ZNF385D: variants seen among roughly 807,000 people sequenced by gnomAD.
ZNF385D encodes the protein zinc finger protein 385D, also known as zinc finger protein 659.
Under a neutral mutation model 35.8 loss-of-function variants are expected in ZNF385D, and 15 were observed. The observed-to-expected ratio is 0.42, with a 90% CI of 0.28 to 0.64. The LOEUF is 0.64. Among genes scored for constraint, ZNF385D ranks in the 30% least tolerant of loss-of-function variants. ZNF385D has a pLI of 0.23. For synonymous variants in ZNF385D, 212 were observed against 186.8 expected (o/e 1.13, Z -1.10); for missense variants, 474 against 494.6 (o/e 0.96, Z 0.39).
At chr3:21,433,179 A>G (rs7614523) in intron 5 of ZNF385D, among the ~76,000 whole-genome samples, 28,196 of 152,110 alleles carry the variant, frequency 0.19, 3,016 homozygotes, top group East Asian at 0.31. Flanking sequence ...CTGCTGTCCT[A>G]TATCACTGAT....
At chr3:22,230,710 T>C (rs1258736693) in intron 2 of ZNF385D, among the ~76,000 whole-genome samples, 1 of 152,212 alleles carries the variant, frequency 6.6e-6, no homozygotes, top group Non-Finnish European at 1.5e-5. Flanking sequence ...AATTTGGCTT[T>C]ATACAAGGAA....
At chr3:21,432,045 T>C (rs934548671) in intron 5 of ZNF385D, among the ~76,000 whole-genome samples, 4 of 151,634 alleles carry the variant, frequency 2.6e-5, no homozygotes, top group African/African-American at 9.7e-5. Flanking sequence ...CAAATACAAC[T>C]TTTTTTTTCA....
rs553298805 is a variant in ZNF385D, at chr3:22,089,035, T to A, written c.325+79782A>T. ...TATTATTTTTCCCTTACCCAGGAGGTAGGGATCATAAGAAAAATCAAATAA... is the reference window on the plus strand; with the variant it reads ...TATTATTTTTCCCTTACCCAGGAGGAAGGGATCATAAGAAAAATCAAATAA... On this transcript the variant is annotated intron_variant, in intron 3 of 5. Coordinates refer to the ZNF385D transcript ENST00000494108. Among the ~76,000 whole-genome samples, 30 of 152,272 alleles carry A rather than the reference T, an allele frequency of 2.0e-4. 1 individual carries two copies. The highest frequency in any genetic ancestry group is 3.4e-4 in the Non-Finnish European group (23 of 68,030).
intron 2 of ZNF385D, among the ~76,000 whole-genome samples, chr3:21,645,882 C>T (rs2065736866): frequency 6.6e-6 from 1 of 152,164 alleles, no homozygotes; most frequent in Admixed American, 6.5e-5. Context: ...TAGAGAAAAA[C>T]TGTACATTTT....
chr3:21,464,730 A>G (rs1703398332), intron 4 of ZNF385D, among the ~76,000 whole-genome samples: 2 of 152,058 alleles, frequency 1.3e-5, no homozygotes, highest in Non-Finnish European at 2.9e-5. Flanking sequence ...ACAGCTGCCA[A>G]AAAATAAATT....
intron 2 of ZNF385D, among the ~76,000 whole-genome samples, chr3:21,627,690 T>G (rs2065173855): frequency 6.6e-6 from 1 of 152,092 alleles, no homozygotes; most frequent in Non-Finnish European, 1.5e-5. Context: ...TGTGCAATAG[T>G]ATGTCTACAT....
chr3:21,965,877 A>G (rs1034041410), intron 3 of ZNF385D, among the ~76,000 whole-genome samples: 3 of 152,212 alleles, frequency 2.0e-5, no homozygotes, highest in Non-Finnish European at 2.9e-5. Context: ...AGAAGAAGAG[A>G]TAACAATAAA....
chr3:21,667,564 CAACAT>C (rs1322357899), intron 1 of ZNF385D, among the ~76,000 whole-genome samples: 1 of 152,200 alleles, frequency 6.6e-6, no homozygotes, highest in Non-Finnish European at 1.5e-5. Context: ...TAAGGGTTAA[CAACAT>C]AACATCATGT....
chr3:21,773,693 G>A (rs879109380), intron 3 of ZNF385D, among the ~76,000 whole-genome samples: 3 of 151,610 alleles, frequency 2.0e-5, no homozygotes, highest in Non-Finnish European at 4.4e-5. Context: ...CTGATCATTA[G>A]AGAAATGAAA....
chr3:22,318,783 T>C (rs76177242), intron 2 of ZNF385D, among the ~76,000 whole-genome samples: 2,421 of 152,238 alleles, frequency 0.016, 49 homozygotes, highest in East Asian at 0.073. Context: ...TTAAGTACTG[T>C]GTATAAAACA....
At chr3:21,991,035 A>G (rs1295003013) in intron 3 of ZNF385D, among the ~76,000 whole-genome samples, 3 of 152,236 alleles carry the variant, frequency 2.0e-5, no homozygotes, top group African/African-American at 7.2e-5. Context: ...TTACGGAGGT[A>G]TAATTATCTA....
intron 2 of ZNF385D, among the ~76,000 whole-genome samples, chr3:22,172,969 C>G (rs748912636): frequency 6.6e-6 from 1 of 152,118 alleles, no homozygotes; most frequent in Admixed American, 6.6e-5. Flanking sequence ...AGTGAAGAAA[C>G]CTGACAAATA....
intron 2 of ZNF385D, among the ~76,000 whole-genome samples, chr3:21,604,061 G>C (rs925898874): frequency 6.6e-6 from 1 of 152,188 alleles, no homozygotes; most frequent in Non-Finnish European, 1.5e-5. Flanking sequence ...ACTGCAAGCA[G>C]AACTGCTGCT....
At chr3:22,369,547 C>T (rs1292759518) in intron 2 of ZNF385D, among the ~76,000 whole-genome samples, 2 of 152,116 alleles carry the variant, frequency 1.3e-5, no homozygotes, top group Non-Finnish European at 2.9e-5. Flanking sequence ...AGATATCATG[C>T]AAATACAATG....
intron 2 of ZNF385D, among the ~76,000 whole-genome samples, chr3:22,217,853 C>A (rs2125274358): frequency 6.6e-6 from 1 of 152,096 alleles, no homozygotes; most frequent in East Asian, 1.9e-4. Context: ...AATTTTTCTC[C>A]ACCTCTAACT....
chr3:22,338,695 C>T (rs920025127), intron 2 of ZNF385D, among the ~76,000 whole-genome samples: 1 of 141,186 alleles, frequency 7.1e-6, no homozygotes, highest in Non-Finnish European at 1.5e-5. Flanking sequence ...ACATATTCAT[C>T]TCATTTTTTT....
In ZNF385D at chr3:21,562,899, G is replaced by A. The variant is rs1467162127; in HGVS notation, c.276+1675C>T. Among the ~76,000 whole-genome samples the A allele has an allele frequency of 4.6e-5, 7 of 151,914 alleles. No individual in the cohort carries two copies. The East Asian group carries it at 1.4e-3, about 29-fold the overall frequency. ...GAGAATACTTTATTGTTAAAATTAA[G>A]CAATTCTGTGGTAAAGTTCTATCCC... On this transcript the variant is annotated intron_variant, in intron 3 of 7. Coordinates refer to ENST00000281523, the MANE Select transcript of ZNF385D (RefSeq NM_024697.3).
chr3:21,649,857 C>A (rs2125212639), intron 2 of ZNF385D, among the ~76,000 whole-genome samples: 1 of 152,062 alleles, frequency 6.6e-6, no homozygotes, highest in East Asian at 1.9e-4. Context: ...GTATTGGTTT[C>A]TTTTGCTTGT....
chr3:21,559,490 C>T (rs796155653), intron 3 of ZNF385D, among the ~76,000 whole-genome samples: 36 of 152,296 alleles, frequency 2.4e-4, no homozygotes, highest in African/African-American at 8.2e-4. Context: ...TATTGACCCC[C>T]ACTCTCTTCT....
Sources: allele counts gnomAD v4.1 joint callset (sites outside exome capture counted in the v4.1 genomes callset), GRCh38; gene constraint gnomAD v4.1.1; transcripts MANE v1.5; gene names NCBI Gene and HGNC (gene_info 2026-07-23, HGNC 2026-07-21).